EFCAB11: variants seen among roughly 807,000 people sequenced by gnomAD.
EFCAB11 encodes EF-hand calcium-binding domain-containing protein 11.
EFCAB11 carries 14 observed loss-of-function variants against 23.0 expected under a neutral mutation model. The ratio of observed to expected loss-of-function variants is 0.61; its 90% CI spans 0.40 to 0.95. The LOEUF is 0.95. Ranked by LOEUF, EFCAB11 falls within the 40% of genes least tolerant of loss-of-function variation. EFCAB11 has a pLI of 0.00. For missense variants in EFCAB11, 198 were observed against 195.8 expected, an observed-to-expected ratio of 1.01 and a Z score of -0.07; for synonymous variants, 65 against 66.6, an observed-to-expected ratio of 0.98 and a Z score of 0.11.
rs141407702 is a variant in EFCAB11 at position 89,953,783 on chromosome 14, C to T, written c.171+123G>A. ...GAGGAAGCTAAAATTCAGCACTGGACACATCTCTGAAATTGCTTATAAAGC... is the reference window on the plus strand; with the variant it reads ...GAGGAAGCTAAAATTCAGCACTGGATACATCTCTGAAATTGCTTATAAAGC... On this transcript the variant is annotated intron_variant, in intron 2 of 5. Coordinates refer to ENST00000316738, the MANE Select transcript of EFCAB11 (RefSeq NM_145231.4). The T allele has an allele frequency of 6.8e-4, 481 of 712,534 alleles. 1 individual carries two copies. The African/African-American group carries it at 7.7e-3, about 11-fold the overall frequency. The allele number at this position is 712,534 out of a possible 1,614,324, so 44.1% of individuals were successfully genotyped here.
At chr14:89,937,860 T>C (rs1890642468) in intron 3 of EFCAB11, 1 of 151,576 alleles carries the variant, frequency 6.6e-6, no homozygotes, top group Admixed American at 6.6e-5. Context: ...AACTACTTAA[T>C]ACATGTATAT....
At chr14:89,813,520 G>GT (rs1317129838) in intron 5 of EFCAB11, among the ~76,000 whole-genome samples, 2 of 151,942 alleles carry the variant, frequency 1.3e-5, no homozygotes, top group Non-Finnish European at 2.9e-5. Context: ...TGTTTGGTTT[G>GT]TTTTTTTGTT....
At chr14:89,878,874 T>C (rs965862166) in intron 5 of EFCAB11, among the ~76,000 whole-genome samples, 2 of 152,154 alleles carry the variant, frequency 1.3e-5, no homozygotes, top group Admixed American at 6.5e-5. Flanking sequence ...TTCTTTTCCA[T>C]AGTTCCTTTT....
At chr14:89,934,440 G>A (rs943081151) in intron 3 of EFCAB11, among the ~76,000 whole-genome samples, 20 of 152,132 alleles carry the variant, frequency 1.3e-4, no homozygotes, top group Admixed American at 5.2e-4. Context: ...TTAAAGAGAG[G>A]AGAAAGTCTG....
intron 5 of EFCAB11, among the ~76,000 whole-genome samples, chr14:89,893,335 C>T (rs143423126): frequency 7.2e-5 from 11 of 152,218 alleles, no homozygotes; most frequent in African/African-American, 2.6e-4. Flanking sequence ...CCACCCTAGG[C>T]CCAGGGGCTG....
intron 5 of EFCAB11, among the ~76,000 whole-genome samples, chr14:89,885,614 T>C (rs371082962): frequency 6.8e-6 from 1 of 147,486 alleles, no homozygotes; most frequent in Non-Finnish European, 1.5e-5. Context: ...GAGGTGGAGG[T>C]TGCAGTGAGC....
At chr14:89,826,705 A>AT (rs34194569) in intron 5 of EFCAB11, among the ~76,000 whole-genome samples, 4,978 of 150,218 alleles carry the variant, frequency 0.033, 106 homozygotes, top group Non-Finnish European at 0.052. Flanking sequence ...TGAGCTTGTC[A>AT]TTTTTTTTTT....
intron 5 of EFCAB11, among the ~76,000 whole-genome samples, chr14:89,850,257 G>T (rs1227789370): frequency 6.6e-6 from 1 of 152,178 alleles, no homozygotes; most frequent in Non-Finnish European, 1.5e-5. Flanking sequence ...CTGTGATACA[G>T]TATAATTAAT....
chr14:89,854,851 A>G (rs1201583548), intron 5 of EFCAB11, among the ~76,000 whole-genome samples: 1 of 152,136 alleles, frequency 6.6e-6, no homozygotes, highest in Admixed American at 6.5e-5. Flanking sequence ...ATTTGAATGC[A>G]CCTGCTCTTC....
rs1012445490 is a variant in EFCAB11, at chr14:89,892,373, C to T, written c.410+39168G>A. The T allele has an allele frequency of 2.7e-5, 44 of 1,608,596 alleles. 1 individual carries two copies. Among genetic ancestry groups the T allele is most frequent in the African/African-American group, 1.5e-4 (11 of 74,836 alleles). On this transcript the variant is annotated intron_variant, in intron 5 of 5. Transcript: ENST00000316738. The stretch of plus-strand genomic sequence containing the variant: ...GCTAGAAGAGGGCTTGGGGGGTGTC[C>T]GGCTCATCCACAAGACCCAAATCCC...
chr14:89,907,673 CTGAT>C (rs1889540738), intron 5 of EFCAB11, among the ~76,000 whole-genome samples: 1 of 152,048 alleles, frequency 6.6e-6, no homozygotes, highest in Admixed American at 6.6e-5. Context: ...TGTAATAGAT[CTGAT>C]TGATAAAGAG....
At chr14:89,928,439 A>T (rs1295428831) in intron 5 of EFCAB11, among the ~76,000 whole-genome samples, 1 of 151,950 alleles carries the variant, frequency 6.6e-6, no homozygotes, top group African/African-American at 2.4e-5. Flanking sequence ...TTAAAATTCA[A>T]TTTGTTTTGA....
At chr14:89,855,833 G>C (rs908037818) in intron 5 of EFCAB11, among the ~76,000 whole-genome samples, 1 of 152,014 alleles carries the variant, frequency 6.6e-6, no homozygotes, top group African/African-American at 2.4e-5. Flanking sequence ...CTGTATATTT[G>C]ACTGGGTTTT....
At chr14:89,917,238 C>T (rs1036447165) in intron 5 of EFCAB11, among the ~76,000 whole-genome samples, 3 of 152,140 alleles carry the variant, frequency 2.0e-5, no homozygotes, top group African/African-American at 7.2e-5. Flanking sequence ...CTCTGACCGA[C>T]ATCTCCCCAT....
chr14:89,952,332 C>T lies in EFCAB11; in HGVS notation c.171+1574G>A, dbSNP rs1001339632. 6.2e-5 allele frequency: 57 copies of T among 918,756 alleles called. No homozygotes were observed. The Middle Eastern group carries it at 2.8e-3, about 46-fold the overall frequency. The allele number at this position is 918,756 out of a possible 1,614,324, so 56.9% of individuals were successfully genotyped here. On this transcript the variant is annotated intron_variant, in intron 2 of 5. Coordinates refer to ENST00000316738, the MANE Select transcript of EFCAB11 (RefSeq NM_145231.4). The stretch of plus-strand genomic sequence containing the variant: ...TGTATCTGTCATTAAATTCCTCATT[C>T]TAAAATTGAAACCAAATAGACTCAA...
intron 3 of EFCAB11, among the ~76,000 whole-genome samples, chr14:89,933,215 G>A (rs892125123): frequency 1.3e-5 from 2 of 152,186 alleles, no homozygotes; most frequent in African/African-American, 2.4e-5. Context: ...AGCTTCCTGC[G>A]ACTCTCATCA....
chr14:89,865,982 GC>G (rs918695047), intron 5 of EFCAB11, among the ~76,000 whole-genome samples: 3 of 151,620 alleles, frequency 2.0e-5, no homozygotes, highest in African/African-American at 7.3e-5. Context: ...ATAGGGTTTT[GC>G]CATGTTGCCC....
intron 5 of EFCAB11, among the ~76,000 whole-genome samples, chr14:89,866,062 G>A (rs887686233): frequency 6.6e-6 from 1 of 152,142 alleles, no homozygotes; most frequent in Non-Finnish European, 1.5e-5. Context: ...CGGGATTACA[G>A]GCATGAGTCA....
rs567342281 is a variant in EFCAB11 at position 89,822,661 on chromosome 14, A to G, written c.411-25337T>C. On this transcript the variant is annotated intron_variant, in intron 5 of 5. Transcript: ENST00000316738. ...ACACAGAGTGTGAGAATCCAAACCC[A>G]TGGGAAAAGAACTTACAGGTACAGA... Among the ~76,000 whole-genome samples the G allele has an allele frequency of 8.5e-5, 13 of 152,316 alleles. No individual in the cohort carries two copies. In the East Asian group the frequency reaches 2.5e-3, roughly 29 times the overall value.
Sources: gnomAD v4.1 joint callset for allele counts (sites outside exome capture counted in the v4.1 genomes callset) on GRCh38, gnomAD v4.1.1 for gene constraint, MANE v1.5 for transcripts, NCBI Gene and HGNC (gene_info 2026-07-23, HGNC 2026-07-21) for gene names.